The following GLI2 variants were observed in gnomAD, a reference collection of about 807,000 sequenced individuals.
The protein encoded by GLI2 is transcription activator GLI2.
Under a neutral mutation model 78.9 loss-of-function variants are expected in GLI2, and 22 were observed. The ratio of observed to expected loss-of-function variants is 0.28; its 90% CI spans 0.20 to 0.40. The LOEUF (loss-of-function observed/expected upper bound fraction) is 0.40. GLI2 is among the 10% of genes least tolerant of loss of function. The pLI is 1.00. For synonymous variants in GLI2, 974 were observed against 963.7 expected (o/e 1.01, Z -0.20); for missense variants, 2,097 against 2,213.2 (o/e 0.95, Z 1.05).
At chr2:120,918,690 C>T (rs1573598753) in intron 2 of GLI2, among the ~76,000 whole-genome samples, 5 of 152,200 alleles carry the variant, frequency 3.3e-5, no homozygotes, top group Admixed American at 3.3e-4. Context: ...ATCCACCCAC[C>T]TCGGCCTCCC....
At chr2:120,846,460 T>C (rs1208491254) in intron 2 of GLI2, among the ~76,000 whole-genome samples, 2 of 152,220 alleles carry the variant, frequency 1.3e-5, no homozygotes, top group African/African-American at 4.8e-5. Flanking sequence ...CTGCTGGGTC[T>C]CCGGGCAGTT....
chr2:120,989,548 C>T lies in GLI2; in HGVS notation c.3583C>T (p.Pro1195Ser). The T allele has an allele frequency of 6.2e-7, 1 of 1,612,790 alleles. No homozygotes were observed. Among genetic ancestry groups the T allele is most frequent in the Non-Finnish European group, 8.5e-7 (1 of 1,179,848 alleles). ...QPHLQPRSGA[P>S]SQGIPRVNYM... ...ACACCTGCAGCCCCGCAGCGGAGCCCCCTCCCAGGGCATCCCCAGGGTAAA... is the reference window on the plus strand; with the variant it reads ...ACACCTGCAGCCCCGCAGCGGAGCCTCCTCCCAGGGCATCCCCAGGGTAAA... Residue 1195 changes from proline to serine, a missense_variant, in exon 14 of 14, where the codon CCC (proline) becomes TCC (serine). Coordinates refer to ENST00000361492, the MANE Select transcript of GLI2 (RefSeq NM_001374353.1).
chr2:120,988,791 C>G lies in GLI2; in HGVS notation c.2826C>G (p.His942Gln). The change falls in exon 14 of 14, where the codon CAC becomes CAG. Residue 942 changes from histidine to glutamine, a missense_variant. His to Gln is a conservative substitution (Grantham distance 24). This residue lies in a region of GLI2 where 1,290 missense variants were observed against 1,261.7 expected (regional missense o/e 1.02). Coordinates refer to ENST00000361492, the MANE Select transcript of GLI2 (RefSeq NM_001374353.1). The stretch of plus-strand genomic sequence containing the variant: ...CGGGGGCTGCGCCCGCCTTCCCCCA[C>G]GAGGCTCCAGGCGGCGGAGCCAGGC... ...GHAGAAPAFP[H>Q]EAPGGGARRA... 1 of 1,366,882 alleles carries G rather than the reference C, an allele frequency of 7.3e-7. No individual in the cohort carries two copies. Among genetic ancestry groups the G allele is most frequent in the Non-Finnish European group, 9.4e-7 (1 of 1,059,858 alleles). The allele number at this position is 1,366,882 out of a possible 1,614,324, so 84.7% of individuals were successfully genotyped here. A position where few individuals can be genotyped will look rare whatever the true frequency, so the allele number is the denominator to read the frequency against.
chr2:120,807,486 A>G (rs1685016406), intron 2 of GLI2, among the ~76,000 whole-genome samples: 1 of 152,192 alleles, frequency 6.6e-6, no homozygotes, highest in Non-Finnish European at 1.5e-5. Flanking sequence ...AGGGTAGCGC[A>G]TACGTTCCTT....
intron 2 of GLI2, 59 bp from the exon 3 acceptor site, chr2:120,927,302 T>A: frequency 8.2e-7 from 1 of 1,219,084 alleles, no homozygotes; most frequent in Non-Finnish European, 1.2e-6. Flanking sequence ...CCTTTGAAAG[T>A]AGCTTTTTGA....
chr2:120,986,383 C>A lies in GLI2; in HGVS notation c.2011C>A (p.Pro671Thr). The change falls in exon 13 of 14, where the codon CCC (proline) becomes ACC (threonine). Residue 671 changes from proline to threonine, a missense_variant. Transcript: ENST00000361492. ...DSGVEMPGTGPGSLGDLTALD... is the reference protein window; with the variant it reads ...DSGVEMPGTGTGSLGDLTALD... ...TGGCGTGGAGATGCCGGGGACGGGGCCCGGGAGCCTGGGAGACCTGACGGC... is the reference window on the plus strand; with the variant it reads ...TGGCGTGGAGATGCCGGGGACGGGGACCGGGAGCCTGGGAGACCTGACGGC... 2 of 1,613,568 alleles carry A rather than the reference C, an allele frequency of 1.2e-6. No individual in the cohort carries two copies. The highest frequency in any genetic ancestry group is 1.7e-6 in the Non-Finnish European group (2 of 1,179,916).
intron 2 of GLI2, among the ~76,000 whole-genome samples, chr2:120,835,472 G>A (rs909953377): frequency 1.5e-4 from 22 of 148,308 alleles, no homozygotes; most frequent in African/African-American, 5.3e-4. Flanking sequence ...TGCAACCCCC[G>A]TCTCCTGGGT....
At chr2:120,912,497 C>T (rs752747763) in intron 2 of GLI2, among the ~76,000 whole-genome samples, 19 of 152,174 alleles carry the variant, frequency 1.2e-4, no homozygotes, top group Admixed American at 3.9e-4. Context: ...TGGTGGACAC[C>T]GTATCCCAGC....
intron 1 of GLI2, among the ~76,000 whole-genome samples, chr2:120,792,750 G>A (rs1266360318): frequency 6.6e-6 from 1 of 152,128 alleles, no homozygotes; most frequent in Non-Finnish European, 1.5e-5. Flanking sequence ...AGCTTCCCGA[G>A]TAGCTGGGAC....
intron 8 of GLI2, among the ~76,000 whole-genome samples, chr2:120,972,412 C>T (rs546794221): frequency 3.9e-5 from 6 of 152,332 alleles, no homozygotes; most frequent in South Asian, 4.1e-4. Context: ...CTCACGTCCC[C>T]GGAATGGCCC....
chr2:120,900,674 TTCTG>T (rs1424969221), intron 2 of GLI2, among the ~76,000 whole-genome samples: 2 of 152,246 alleles, frequency 1.3e-5, no homozygotes, highest in African/African-American at 4.8e-5. Flanking sequence ...TGCTGTCTTC[TTCTG>T]TCTTTTACTT....
intron 2 of GLI2, among the ~76,000 whole-genome samples, chr2:120,801,594 T>C (rs776741607): frequency 2.6e-5 from 4 of 152,248 alleles, no homozygotes; most frequent in Non-Finnish European, 4.4e-5. Flanking sequence ...AACATGCTTG[T>C]ATTCTAATAT....
intron 2 of GLI2, among the ~76,000 whole-genome samples, chr2:120,852,300 G>A (rs985250459): frequency 1.3e-5 from 2 of 152,184 alleles, no homozygotes; most frequent in South Asian, 2.1e-4. Flanking sequence ...GCAGAGAGTC[G>A]TTCCCCATGC....
At chr2:120,855,657 T>C (rs762624087) in intron 2 of GLI2, among the ~76,000 whole-genome samples, 6 of 152,248 alleles carry the variant, frequency 3.9e-5, no homozygotes, top group Non-Finnish European at 7.3e-5. Context: ...CTCACTTTTC[T>C]TAGGGTTCCA....
intron 2 of GLI2, among the ~76,000 whole-genome samples, chr2:120,884,694 C>A (rs557815410): frequency 3.4e-4 from 52 of 152,280 alleles, no homozygotes; most frequent in African/African-American, 1.1e-3. Flanking sequence ...CGCAGTTCAC[C>A]CGCCCCTAAG....
At chr2:120,959,351 G>C (rs1681430744) in intron 5 of GLI2, among the ~76,000 whole-genome samples, 1 of 152,198 alleles carries the variant, frequency 6.6e-6, no homozygotes, top group Non-Finnish European at 1.5e-5. Flanking sequence ...GCTCCAGTAT[G>C]GGGTGGGGGT....
intron 3 of GLI2, among the ~76,000 whole-genome samples, chr2:120,944,680 C>G (rs1680622964): frequency 6.6e-6 from 1 of 152,246 alleles, no homozygotes; most frequent in Non-Finnish European, 1.5e-5. Flanking sequence ...AATCCAACTT[C>G]ACAGGGGCAG....
chr2:120,911,262 C>T (rs933734954), intron 2 of GLI2, among the ~76,000 whole-genome samples: 1 of 152,372 alleles, frequency 6.6e-6, no homozygotes, highest in East Asian at 1.9e-4. Flanking sequence ...TTACTGAACG[C>T]TCCTGTGCCT....
chr2:120,986,391 C>T lies in GLI2; in HGVS notation c.2019C>T (p.Ser673=). ...AGATGCCGGGGACGGGGCCCGGGAGCCTGGGAGACCTGACGGCACTGGATG... is the reference window on the plus strand; with the variant it reads ...AGATGCCGGGGACGGGGCCCGGGAGTCTGGGAGACCTGACGGCACTGGATG... The part of the protein sequence containing the change: ...GVEMPGTGPG[S]LGDLTALDDT... Residue 673 remains serine, a synonymous_variant, in exon 13 of 14, where the codon AGC becomes AGT. Coordinates refer to ENST00000361492, the MANE Select transcript of GLI2 (RefSeq NM_001374353.1). The T allele has an allele frequency of 6.2e-7, 1 of 1,613,658 alleles. No individual in the cohort carries two copies. Among genetic ancestry groups the T allele is most frequent in the South Asian group, 1.1e-5 (1 of 91,062 alleles).
Sources: allele counts gnomAD v4.1 joint callset (sites outside exome capture counted in the v4.1 genomes callset), GRCh38; gene constraint gnomAD v4.1.1; regional missense constraint gnomAD v4.1.1; transcripts MANE v1.5; gene names NCBI Gene and HGNC (gene_info 2026-07-23, HGNC 2026-07-21).